The following SYNE1 variants were observed in gnomAD, a reference collection of about 807,000 sequenced individuals.
SYNE1 encodes nesprin-1.
SYNE1 carries 616 observed loss-of-function variants against 1,111.0 expected under a neutral mutation model. The observed-to-expected ratio is 0.55, with a 90% CI of 0.52 to 0.59. SYNE1 has a LOEUF of 0.59. Ranked by LOEUF, SYNE1 falls within the 20% of genes least tolerant of loss-of-function variation. The probability of loss-of-function intolerance (pLI) is 0.00; values close to 1 mark genes in which losing one functional copy is unlikely to be tolerated. For missense variants in SYNE1, 10,006 were observed against 10,417.0 expected (o/e 0.96, Z 1.72); for synonymous variants, 3,855 against 3,825.8 (o/e 1.01, Z -0.28).
intron 14 of SYNE1, chr6:152,472,629 T>C: frequency 1.4e-6 from 1 of 703,152 alleles, no homozygotes; most frequent in Admixed American, 2.0e-5. Context: ...CATCTAATAA[T>C]TATGCATCTT....
chr6:152,125,118 T>C (rs1199311791), intron 145 of SYNE1: 2 of 854,290 alleles, frequency 2.3e-6, no homozygotes, highest in Non-Finnish European at 3.3e-6. Flanking sequence ...CTGAATGACT[T>C]GCTTCAGATT....
In SYNE1 at chr6:152,362,280, C is replaced by T. The variant is rs2096945382; in HGVS notation, c.10189G>A (p.Gly3397Ser). The T allele has an allele frequency of 6.2e-7, 1 of 1,614,114 alleles. No homozygotes were observed. The highest frequency in any genetic ancestry group is 1.7e-5 in the Admixed American group (1 of 60,008). ...ATCCAACCGGAGAACTGTCGAACGC[C>T]ATCCTGATAACTTGTCCACTTGGAG... ...ALSKWTSYQD[G>S]VRQFSGWMDS... The change falls in exon 64 of 146, where the codon GGC becomes AGC. Residue 3397 changes from glycine to serine, a missense_variant. This residue lies in a region of SYNE1 where 4,955 missense variants were observed against 5,017.2 expected (regional missense o/e 0.99). Transcript: ENST00000367255.
chr6:152,527,675 T>C (rs1286308750), intron 4 of SYNE1, among the ~76,000 whole-genome samples: 1 of 152,188 alleles, frequency 6.6e-6, no homozygotes, highest in Non-Finnish European at 1.5e-5. Context: ...TTCATAAATG[T>C]TTGATACATT....
intron 96 of SYNE1, among the ~76,000 whole-genome samples, chr6:152,283,597 T>TG (rs2094153792): frequency 6.6e-6 from 1 of 152,150 alleles, no homozygotes; most frequent in Admixed American, 6.5e-5. Flanking sequence ...AGTGCAGTGG[T>TG]GCAATCTTGG....
chr6:152,438,794 T>C (rs1449065832), intron 32 of SYNE1, among the ~76,000 whole-genome samples: 2 of 152,204 alleles, frequency 1.3e-5, no homozygotes, highest in Non-Finnish European at 2.9e-5. Flanking sequence ...AATAAAGGTT[T>C]GTAATAACAA....
intron 33 of SYNE1, chr6:152,434,652 G>C (rs2098457484): frequency 6.6e-6 from 1 of 151,852 alleles, no homozygotes; most frequent in Non-Finnish European, 1.5e-5. Flanking sequence ...TTCAACTATA[G>C]ATTTCTAATT....
chr6:152,379,041 A>G (rs1459882323), intron 56 of SYNE1, among the ~76,000 whole-genome samples: 2 of 152,232 alleles, frequency 1.3e-5, no homozygotes, highest in Non-Finnish European at 2.9e-5. Context: ...GGAACCTTTT[A>G]CTTAAGACAG....
chr6:152,570,403 G>C (rs569848055), intron 3 of SYNE1, among the ~76,000 whole-genome samples: 1 of 152,230 alleles, frequency 6.6e-6, no homozygotes, highest in South Asian at 2.1e-4. Context: ...ATTCTCTCCT[G>C]TGAACAGGAT....
chr6:152,444,519 A>T lies in SYNE1; in HGVS notation c.3729T>A (p.Asn1243Lys), dbSNP rs1338989289. ...AGCCAGAAATTAATTCTTCGAGAGAATTTTTGACTATTTCTTTGTACTGGA... is the reference window on the plus strand; with the variant it reads ...AGCCAGAAATTAATTCTTCGAGAGATTTTTTGACTATTTCTTTGTACTGGA... Reference protein sequence around the residue: ...DCVQYKEIVKNSLEELISGSK... With the variant: ...DCVQYKEIVKKSLEELISGSK... The change falls in exon 30 of 146, where the codon AAT becomes AAA. Residue 1243 changes from asparagine (N) to lysine (K), a missense_variant. Asn to Lys is a moderately conservative substitution (Grantham distance 94). This residue lies in a region of SYNE1 where 1,971 missense variants were observed against 2,084.1 expected (regional missense o/e 0.95). Coordinates refer to ENST00000367255, the MANE Select transcript of SYNE1 (RefSeq NM_182961.4). 6.2e-7 allele frequency: 1 copy of T among 1,613,606 alleles called. No homozygotes were observed. The highest frequency in any genetic ancestry group is 8.5e-7 in the Non-Finnish European group (1 of 1,179,918).
chr6:152,608,023 G>T (rs1275904845), intron 3 of SYNE1, among the ~76,000 whole-genome samples: 1 of 152,090 alleles, frequency 6.6e-6, no homozygotes, highest in East Asian at 1.9e-4. Context: ...ACACACACTG[G>T]GGCCTGTTGA....
chr6:152,432,453 A>G (rs1014539951), intron 34 of SYNE1, among the ~76,000 whole-genome samples: 2 of 152,128 alleles, frequency 1.3e-5, no homozygotes, highest in African/African-American at 4.8e-5. Context: ...ATTCACTTAC[A>G]TATTTTAGAT....
chr6:152,325,236 G>C lies in SYNE1; in HGVS notation c.15505C>G (p.Leu5169Val), dbSNP rs372205287. 6.2e-7 allele frequency: 1 copy of C among 1,614,166 alleles called. No individual in the cohort carries two copies. Among genetic ancestry groups the C allele is most frequent in the Non-Finnish European group, 8.5e-7 (1 of 1,180,040 alleles). Residue 5169 changes from leucine to valine, a missense_variant, in exon 81 of 146, where the codon CTG becomes GTG. Transcript: ENST00000367255. ...CTGGCATCATTTCCGGTTTTCTCCA[G>C]TTGTGAAGCTTTTTCCTCAAGGGCC... ...IVALEEKASQ[L>V]EKTGNDASKA...
chr6:152,515,452 C>T (rs2099106855), intron 6 of SYNE1, among the ~76,000 whole-genome samples: 1 of 152,098 alleles, frequency 6.6e-6, no homozygotes, highest in African/African-American at 2.4e-5. Context: ...ATTTAATACA[C>T]AATTTAAAGG....
chr6:152,308,561 G>T lies in SYNE1; in HGVS notation c.17274C>A (p.His5758Gln), dbSNP rs147858920. 6 of 1,613,096 alleles carry T rather than the reference G, an allele frequency of 3.7e-6. No homozygotes were observed. The African/African-American group carries it at 8.0e-5, about 22-fold the overall frequency. ...KHLQQLIEGA[H>Q]REIEDKPVAT... ...CAACAGGTTTATCCTCAATCTCTCT[G>T]TGAGCTCCTTCTATCAGTTGCTGGA... is the stretch of plus-strand genomic sequence containing the variant. Residue 5758 changes from histidine to glutamine, a missense_variant, in exon 91 of 146, where the codon CAC becomes CAA. His to Gln is a conservative substitution (Grantham distance 24). Transcript: ENST00000367255.
Position 152,398,733 on chromosome 6 carries a change from T to A in SYNE1, c.7238-2A>T. The A allele has an allele frequency of 6.2e-7, 1 of 1,607,152 alleles. No homozygotes were observed. Among genetic ancestry groups the A allele is most frequent in the South Asian group, 1.1e-5 (1 of 89,480 alleles). ...ATTCTTGGAATTCCTGCATAGACTCTTTTGAAAGAAAAAATAAATAAATAA... is the reference window on the plus strand; with the variant it reads ...ATTCTTGGAATTCCTGCATAGACTCATTTGAAAGAAAAAATAAATAAATAA... On this transcript the variant is annotated splice_acceptor_variant, in intron 48 of 145. Coordinates refer to ENST00000367255, the MANE Select transcript of SYNE1 (RefSeq NM_182961.4). LOFTEE classifies it high-confidence loss of function.
intron 3 of SYNE1, among the ~76,000 whole-genome samples, chr6:152,576,662 T>C (rs940616508): frequency 1.3e-4 from 20 of 152,174 alleles, no homozygotes; most frequent in East Asian, 5.8e-4. Flanking sequence ...ACAGCAGGTA[T>C]AAGGACAGAT....
chr6:152,277,210 C>T (rs571497850), intron 98 of SYNE1, among the ~76,000 whole-genome samples: 30 of 148,884 alleles, frequency 2.0e-4, no homozygotes, highest in African/African-American at 6.9e-4. Flanking sequence ...TTATCCTATC[C>T]GTTTCCTCCC....
intron 90 of SYNE1, among the ~76,000 whole-genome samples, chr6:152,309,534 C>T (rs1356884698): frequency 6.6e-6 from 1 of 152,108 alleles, no homozygotes; most frequent in East Asian, 1.9e-4. Flanking sequence ...AGATGATTCT[C>T]AGGTGAATAA....
At chr6:152,475,359 C>T (rs1013584094) in intron 14 of SYNE1, among the ~76,000 whole-genome samples, 2 of 152,090 alleles carry the variant, frequency 1.3e-5, no homozygotes, top group Non-Finnish European at 2.9e-5. Context: ...TTAGCTTCAC[C>T]GACATTAAAT....
Sources: allele counts gnomAD v4.1 joint callset (sites outside exome capture counted in the v4.1 genomes callset), GRCh38; gene constraint gnomAD v4.1.1; regional missense constraint gnomAD v4.1.1; transcripts MANE v1.5; gene names NCBI Gene and HGNC (gene_info 2026-07-23, HGNC 2026-07-21).